MKLN1: variants seen among roughly 807,000 people sequenced by gnomAD.
MKLN1 encodes the protein muskelin 1.
MKLN1 carries 18 observed loss-of-function variants against 99.0 expected under a neutral mutation model. The observed-to-expected ratio is 0.18, with a 90% CI of 0.13 to 0.27. The LOEUF (loss-of-function observed/expected upper bound fraction) is 0.27. Ranked by LOEUF, MKLN1 falls within the 10% of genes least tolerant of loss-of-function variation. The pLI, the probability that MKLN1 is intolerant of heterozygous loss-of-function variation, is 1.00. For missense variants in MKLN1, 621 were observed against 875.9 expected (o/e 0.71, Z 3.67); for synonymous variants, 288 against 293.2 (o/e 0.98, Z 0.18).
chr7:131,368,586 T>C (rs1800250484), intron 1 of MKLN1, among the ~76,000 whole-genome samples: 1 of 152,122 alleles, frequency 6.6e-6, no homozygotes, highest in Non-Finnish European at 1.5e-5. Flanking sequence ...CCACACACTT[T>C]TAAAACATCA....
chr7:131,480,944 T>A (rs532117675), intron 17 of MKLN1, among the ~76,000 whole-genome samples: 1 of 152,350 alleles, frequency 6.6e-6, no homozygotes, highest in African/African-American at 2.4e-5. Flanking sequence ...ATTAGGGTGG[T>A]GTCAGCAAAT....
intron 3 of MKLN1, among the ~76,000 whole-genome samples, chr7:131,289,124 A>C (rs1798178102): frequency 6.6e-6 from 1 of 152,164 alleles, no homozygotes; most frequent in South Asian, 2.1e-4. Flanking sequence ...ATGCCCGGCT[A>C]TCAAAGCCTT....
intron 3 of MKLN1, among the ~76,000 whole-genome samples, chr7:131,217,620 C>T (rs1244725372): frequency 6.6e-6 from 1 of 152,232 alleles, no homozygotes; most frequent in African/African-American, 2.4e-5. Context: ...ATTGCTTGAA[C>T]CCGAGAGGCA....
intron 5 of MKLN1, among the ~76,000 whole-genome samples, chr7:131,398,416 G>C (rs542639358): frequency 6.6e-6 from 1 of 152,026 alleles, no homozygotes; most frequent in Non-Finnish European, 1.5e-5. Context: ...AAATTGGGCC[G>C]GGCGCAGTGG....
intron 1 of MKLN1, among the ~76,000 whole-genome samples, chr7:131,361,870 T>A (rs1800040695): frequency 7.4e-6 from 1 of 135,280 alleles, no homozygotes; most frequent in Non-Finnish European, 1.7e-5. Flanking sequence ...TATGACATTC[T>A]TATCTTCATG....
intron 1 of MKLN1, among the ~76,000 whole-genome samples, chr7:131,142,054 G>A (rs1177238028): frequency 6.6e-6 from 1 of 151,860 alleles, no homozygotes; most frequent in Non-Finnish European, 1.5e-5. Context: ...GGGCAGCAGG[G>A]TTGCTGCAGC....
intron 3 of MKLN1, among the ~76,000 whole-genome samples, chr7:131,272,760 C>A (rs1429736941): frequency 6.6e-6 from 1 of 152,076 alleles, no homozygotes; most frequent in Non-Finnish European, 1.5e-5. Context: ...AAGTGGAAAC[C>A]CCTGATAAAC....
chr7:131,400,568 T>G (rs142715364), intron 6 of MKLN1, among the ~76,000 whole-genome samples: 43 of 149,104 alleles, frequency 2.9e-4, no homozygotes, highest in Middle Eastern at 7.1e-3. Context: ...ATTCTGTGGG[T>G]TTTTTTTAAC....
At chr7:131,472,071 C>T (rs1242512740) in intron 16 of MKLN1, 1 of 152,172 alleles carries the variant, frequency 6.6e-6, no homozygotes. Context: ...ATTCATGACA[C>T]TGTGCAAATA....
At chr7:131,386,733 A>G (rs151246329) in intron 2 of MKLN1, among the ~76,000 whole-genome samples, 45 of 152,308 alleles carry the variant, frequency 3.0e-4, no homozygotes, top group Non-Finnish European at 4.0e-4. Context: ...ACATTGGTTT[A>G]GTTATTGAAG....
intron 1 of MKLN1, among the ~76,000 whole-genome samples, chr7:131,120,421 C>T (rs892596961): frequency 2.0e-5 from 3 of 149,504 alleles, no homozygotes; most frequent in Non-Finnish European, 4.5e-5. Context: ...TGGCGGTGGG[C>T]GCCTGTAGTC....
At chr7:131,265,799 T>C (rs1313494768) in intron 3 of MKLN1, among the ~76,000 whole-genome samples, 1 of 152,202 alleles carries the variant, frequency 6.6e-6, no homozygotes, top group Non-Finnish European at 1.5e-5. Flanking sequence ...ACTAAAATAA[T>C]GGAAAGTTTC....
intron 1 of MKLN1, among the ~76,000 whole-genome samples, chr7:131,344,441 A>AT (rs1799495730): frequency 6.6e-6 from 1 of 152,182 alleles, no homozygotes; most frequent in Non-Finnish European, 1.5e-5. Flanking sequence ...ATGGTTTAAA[A>AT]TTAAAAATTT....
At chr7:131,308,864 C>T (rs1331440429) in intron 3 of MKLN1, among the ~76,000 whole-genome samples, 3 of 152,130 alleles carry the variant, frequency 2.0e-5, no homozygotes, top group Non-Finnish European at 4.4e-5. Flanking sequence ...GGATTACAGG[C>T]GTGAGCCACC....
At chr7:131,300,132 A>AG (rs1036079372) in intron 3 of MKLN1, among the ~76,000 whole-genome samples, 2 of 152,078 alleles carry the variant, frequency 1.3e-5, no homozygotes, top group Non-Finnish European at 2.9e-5. Flanking sequence ...CAGAGAAGAG[A>AG]GGTGTGTAAT....
intron 4 of MKLN1, among the ~76,000 whole-genome samples, chr7:131,393,046 T>TA (rs1340601289): frequency 6.6e-6 from 1 of 152,116 alleles, no homozygotes; most frequent in Non-Finnish European, 1.5e-5. Flanking sequence ...CACACCTGGC[T>TA]AATTTTAAAA....
intron 3 of MKLN1, among the ~76,000 whole-genome samples, chr7:131,288,666 G>A (rs1173666279): frequency 6.6e-6 from 1 of 152,276 alleles, no homozygotes; most frequent in East Asian, 1.9e-4. Context: ...CTAGCAACTG[G>A]GTTATCTTGT....
intron 3 of MKLN1, among the ~76,000 whole-genome samples, chr7:131,322,761 G>A (rs1195263499): frequency 6.6e-6 from 1 of 151,014 alleles, no homozygotes; most frequent in African/African-American, 2.4e-5. Context: ...TAGTAGAGAC[G>A]GGGTTTCACC....
chr7:131,121,638 C>CAAAAAAAAA lies in MKLN1; in HGVS notation c.-419+11453_-419+11461dup, dbSNP rs55908773. Among the ~76,000 whole-genome samples, 69 of 72,798 alleles carry CAAAAAAAAA rather than the reference C, an allele frequency of 9.5e-4. 1 individual carries two copies. Among genetic ancestry groups the CAAAAAAAAA allele is most frequent in the African/African-American group, 2.0e-3 (39 of 19,224 alleles). 47.8% of individuals were successfully genotyped at this position (72,798 alleles called of 152,430 possible). On this transcript the variant is annotated intron_variant, in intron 1 of 7. Transcript: ENST00000416992. ...TGAGTGACAGAGCAAGACTCCGTCTCAAAAAAAAAAAAAAAAAAAAAAAAA... is the reference window on the plus strand; with the variant it reads ...TGAGTGACAGAGCAAGACTCCGTCTCAAAAAAAAAAAAAAAAAAAAAAAAAAAAAAAAAA...
Sources: gnomAD v4.1 joint callset for allele counts (sites outside exome capture counted in the v4.1 genomes callset) on GRCh38, gnomAD v4.1.1 for gene constraint, MANE v1.5 for transcripts, NCBI Gene and HGNC (gene_info 2026-07-23, HGNC 2026-07-21) for gene names.